NEGR1: variants seen among roughly 807,000 people sequenced by gnomAD.
NEGR1 encodes neuronal growth regulator 1.
In NEGR1, 10 loss-of-function variants were observed where a neutral mutation model predicts 40.9. The ratio of observed to expected loss-of-function variants is 0.24; its 90% CI spans 0.15 to 0.42. The LOEUF is 0.42. Among genes scored for constraint, NEGR1 ranks in the 10% least tolerant of loss-of-function variants. NEGR1 has a pLI of 1.00. For missense variants in NEGR1, 352 were observed against 438.9 expected (o/e 0.80, Z 1.77); for synonymous variants, 185 against 166.8 (o/e 1.11, Z -0.84).
At chr1:71,798,237 G>A (rs972130593) in intron 2 of NEGR1, 3 of 151,886 alleles carry the variant, frequency 2.0e-5, no homozygotes, top group Non-Finnish European at 4.4e-5. Context: ...GTGGAGCAGA[G>A]AGTCCCTACA....
chr1:71,935,997 C>T (rs1645901869), intron 1 of NEGR1, among the ~76,000 whole-genome samples: 1 of 152,070 alleles, frequency 6.6e-6, no homozygotes, highest in Non-Finnish European at 1.5e-5. Context: ...GGGGGTTTCA[C>T]TGTGTTGGCC....
chr1:71,412,431 T>C (rs2101264382), intron 6 of NEGR1, among the ~76,000 whole-genome samples: 1 of 152,314 alleles, frequency 6.6e-6, no homozygotes, highest in Admixed American at 6.5e-5. Flanking sequence ...TTTTCTTTCT[T>C]CTTAACTTAT....
chr1:71,678,161 T>C (rs1048003868), intron 4 of NEGR1, among the ~76,000 whole-genome samples: 3 of 152,132 alleles, frequency 2.0e-5, no homozygotes, highest in Non-Finnish European at 4.4e-5. Context: ...TTACAAAATA[T>C]GCATAATTGT....
intron 4 of NEGR1, among the ~76,000 whole-genome samples, chr1:71,645,806 G>T (rs1055739342): frequency 2.6e-5 from 4 of 151,716 alleles, no homozygotes; most frequent in African/African-American, 9.7e-5. Flanking sequence ...TTTCAATCAG[G>T]GTTAATCAGC....
intron 2 of NEGR1, among the ~76,000 whole-genome samples, chr1:71,926,240 T>C (rs1254578739): frequency 6.6e-6 from 1 of 152,106 alleles, no homozygotes; most frequent in Non-Finnish European, 1.5e-5. Flanking sequence ...AATACTGCCT[T>C]AGTCTCCAAA....
At chr1:71,767,796 C>T (rs1022709681) in intron 3 of NEGR1, among the ~76,000 whole-genome samples, 2 of 152,216 alleles carry the variant, frequency 1.3e-5, no homozygotes, top group African/African-American at 4.8e-5. Context: ...GTGGGCCAGG[C>T]CCAGGGCCGA....
chr1:71,574,845 T>G (rs989163782), intron 6 of NEGR1, among the ~76,000 whole-genome samples: 1 of 152,198 alleles, frequency 6.6e-6, no homozygotes, highest in African/African-American at 2.4e-5. Flanking sequence ...GATAATTAAC[T>G]TCTCATTGAA....
chr1:71,644,306 C>T (rs1282447509), intron 4 of NEGR1, among the ~76,000 whole-genome samples: 5 of 151,836 alleles, frequency 3.3e-5, no homozygotes, highest in South Asian at 2.1e-4. Context: ...TTCTAGTCCC[C>T]GCTCACACAT....
At chr1:71,959,529 C>A (rs574811907) in intron 1 of NEGR1, among the ~76,000 whole-genome samples, 8 of 151,978 alleles carry the variant, frequency 5.3e-5, no homozygotes, top group African/African-American at 1.9e-4. Context: ...GTACTAAATA[C>A]AATATTCAGG....
chr1:71,601,205 G>A (rs1182773989), intron 5 of NEGR1, among the ~76,000 whole-genome samples: 1 of 152,106 alleles, frequency 6.6e-6, no homozygotes, highest in Non-Finnish European at 1.5e-5. Context: ...CTGCCAACAA[G>A]CATACACAAA....
chr1:71,862,403 A>G (rs569997698), intron 2 of NEGR1, among the ~76,000 whole-genome samples: 25 of 152,198 alleles, frequency 1.6e-4, no homozygotes, highest in African/African-American at 5.8e-4. Flanking sequence ...ATCATAAGAT[A>G]ACTACCTCAC....
At chr1:71,857,453 A>C (rs1165737077) in intron 2 of NEGR1, among the ~76,000 whole-genome samples, 1 of 134,306 alleles carries the variant, frequency 7.4e-6, no homozygotes, top group East Asian at 2.5e-4. Flanking sequence ...CTCTACAAAA[A>C]ATACAAAAAA....
At chr1:71,816,338 G>A (rs576909606) in intron 2 of NEGR1, among the ~76,000 whole-genome samples, 7 of 152,022 alleles carry the variant, frequency 4.6e-5, no homozygotes, top group Admixed American at 3.3e-4. Context: ...TTTTGTATTA[G>A]TCCATTTTCA....
At chr1:71,851,562 A>G (rs1659602606) in intron 2 of NEGR1, among the ~76,000 whole-genome samples, 1 of 152,160 alleles carries the variant, frequency 6.6e-6, no homozygotes, top group South Asian at 2.1e-4. Flanking sequence ...AGGGATCTGC[A>G]CAATCAGCAA....
chr1:71,853,361 G>C (rs1659667580), intron 2 of NEGR1, among the ~76,000 whole-genome samples: 1 of 152,066 alleles, frequency 6.6e-6, no homozygotes, highest in South Asian at 2.1e-4. Flanking sequence ...TCCACGTAAA[G>C]AGATGACATA....
At chr1:71,450,601 G>A (rs966208097) in intron 6 of NEGR1, among the ~76,000 whole-genome samples, 4 of 151,210 alleles carry the variant, frequency 2.6e-5, no homozygotes, top group African/African-American at 7.3e-5. Flanking sequence ...GAGGTCAGGA[G>A]TTTGAGACTA....
chr1:72,236,645 C>A (rs1654557985), intron 1 of NEGR1, among the ~76,000 whole-genome samples: 1 of 151,876 alleles, frequency 6.6e-6, no homozygotes, highest in Non-Finnish European at 1.5e-5. Flanking sequence ...AGGTACTTTC[C>A]ATTCTGTAAA....
At chr1:71,864,092 C>T (rs1421659322) in intron 2 of NEGR1, among the ~76,000 whole-genome samples, 1 of 152,098 alleles carries the variant, frequency 6.6e-6, no homozygotes, top group East Asian at 1.9e-4. Context: ...TATATTTTCT[C>T]CCTTAGAGAT....
chr1:71,525,057 G>A (rs975754966), intron 6 of NEGR1, among the ~76,000 whole-genome samples: 2 of 151,718 alleles, frequency 1.3e-5, no homozygotes, highest in Non-Finnish European at 3.0e-5. Flanking sequence ...CATTTATGTT[G>A]TTTTAAGCCA....
Sources: allele counts gnomAD v4.1 joint callset (sites outside exome capture counted in the v4.1 genomes callset), GRCh38; gene constraint gnomAD v4.1.1; transcripts MANE v1.5; gene names NCBI Gene and HGNC (gene_info 2026-07-23, HGNC 2026-07-21).